The following SLCO3A1 variants were observed in gnomAD, a reference collection of about 807,000 sequenced individuals.
SLCO3A1 encodes the protein PGE1 transporter.
Under a neutral mutation model 63.1 loss-of-function variants are expected in SLCO3A1, and 27 were observed. The ratio of observed to expected loss-of-function variants is 0.43; its 90% CI spans 0.32 to 0.59. The LOEUF (loss-of-function observed/expected upper bound fraction) is 0.59, where lower values mean the gene tolerates loss of function less well. Among genes scored for constraint, SLCO3A1 ranks in the 20% least tolerant of loss-of-function variants. The pLI is 0.09. For missense variants in SLCO3A1, 773 were observed against 945.8 expected (o/e 0.82, Z 2.40); for synonymous variants, 473 against 409.9 (o/e 1.15, Z -1.86).
rs544545982 is a variant in SLCO3A1 at position 92,006,420 on chromosome 15, G to A, written c.647-88461G>A. The stretch of plus-strand genomic sequence containing the variant: ...TGGTACAGCTACTGAGTTAGTTCAA[G>A]AGCACAGGTGCTTTTTGGTTAGAGG... On this transcript the variant is annotated intron_variant, in intron 2 of 9. Coordinates refer to ENST00000318445, the MANE Select transcript of SLCO3A1 (RefSeq NM_013272.4). Among the ~76,000 whole-genome samples the A allele has an allele frequency of 2.6e-5, 4 of 152,314 alleles. No homozygotes were observed. In the South Asian group the frequency reaches 8.3e-4, roughly 32 times the overall value.
intron 2 of SLCO3A1, among the ~76,000 whole-genome samples, chr15:91,949,712 C>CCTTTAATATA (rs1899933940): frequency 6.6e-6 from 1 of 151,586 alleles, no homozygotes; most frequent in Non-Finnish European, 1.5e-5. Flanking sequence ...TTGGTGGTTG[C>CCTTTAATATA]CTTTAATATA....
intron 9 of SLCO3A1, among the ~76,000 whole-genome samples, chr15:92,151,489 C>G (rs1484326134): frequency 2.0e-5 from 3 of 152,132 alleles, no homozygotes; most frequent in East Asian, 3.9e-4. Flanking sequence ...GCAAATGTGA[C>G]CTTCATGCTA....
intron 1 of SLCO3A1, among the ~76,000 whole-genome samples, chr15:91,891,342 C>G (rs1414452681): frequency 2.6e-5 from 4 of 152,162 alleles, no homozygotes; most frequent in Non-Finnish European, 5.9e-5. Context: ...TCCAGGGCAG[C>G]CTGCACCCAA....
intron 4 of SLCO3A1, among the ~76,000 whole-genome samples, chr15:92,105,704 G>T (rs1352630416): frequency 6.6e-6 from 1 of 152,196 alleles, no homozygotes; most frequent in East Asian, 1.9e-4. Flanking sequence ...TTTTAGAAAT[G>T]AGTGGGCTCA....
rs115258380 is a variant in SLCO3A1, at chr15:92,104,076, G to A, written c.746-203G>A. ...CAGGGTAGACAAGAAAATTAAGGGG[G>A]GAATGTGATCAGCCTCCGGCTTTGA... On this transcript the variant is annotated intron_variant, in intron 3 of 9. Transcript: ENST00000318445. Among the ~76,000 whole-genome samples, 1,050 of 152,276 alleles carry A rather than the reference G, an allele frequency of 6.9e-3. 8 individuals are homozygous for A. Among genetic ancestry groups the A allele is most frequent in the African/African-American group, 0.023 (964 of 41,546 alleles).
At position 91,853,794 on chromosome 15, in the gene SLCO3A1, G is replaced by C; in HGVS notation, c.-115G>C. On this transcript the variant is annotated 5_prime_UTR_variant, in exon 1 of 10. Coordinates refer to ENST00000318445, the MANE Select transcript of SLCO3A1 (RefSeq NM_013272.4). ...GGACGGGGGCGGCCGCCGCGAACCCGGGGCGGGGACAGCACGCAGCCTCGA... is the reference window on the plus strand; with the variant it reads ...GGACGGGGGCGGCCGCCGCGAACCCCGGGCGGGGACAGCACGCAGCCTCGA... 1 of 1,011,450 alleles carries C rather than the reference G, an allele frequency of 9.9e-7. No individual in the cohort carries two copies. The highest frequency in any genetic ancestry group is 1.2e-6 in the Non-Finnish European group (1 of 831,270). 62.7% of individuals were successfully genotyped at this position (1,011,450 alleles called of 1,614,324 possible). A position where few individuals can be genotyped will look rare whatever the true frequency, so the allele number is the denominator to read the frequency against.
At chr15:91,908,368 T>G (rs1015820317) in intron 1 of SLCO3A1, 2 of 152,168 alleles carry the variant, frequency 1.3e-5, no homozygotes, top group Non-Finnish European at 2.9e-5. Flanking sequence ...AGCTAAATCA[T>G]TCCACCAGAA....
chr15:92,091,683 G>A (rs1193704863), intron 2 of SLCO3A1, among the ~76,000 whole-genome samples: 2 of 152,230 alleles, frequency 1.3e-5, no homozygotes, highest in African/African-American at 2.4e-5. Flanking sequence ...CGTTGCAGGT[G>A]GTGGTTTACC....
At chr15:92,049,870 T>C (rs2046936141) in intron 2 of SLCO3A1, among the ~76,000 whole-genome samples, 2 of 152,172 alleles carry the variant, frequency 1.3e-5, no homozygotes, top group African/African-American at 2.4e-5. Flanking sequence ...AGCTTTGTAA[T>C]GTACAGTGAC....
At chr15:91,972,458 G>A (rs1900914087) in intron 2 of SLCO3A1, among the ~76,000 whole-genome samples, 1 of 152,166 alleles carries the variant, frequency 6.6e-6, no homozygotes, top group South Asian at 2.1e-4. Flanking sequence ...CCTAGGACAT[G>A]CCATCTGTGA....
At chr15:91,932,533 C>T (rs187548159) in intron 2 of SLCO3A1, among the ~76,000 whole-genome samples, 44 of 152,138 alleles carry the variant, frequency 2.9e-4, no homozygotes, top group Admixed American at 7.8e-4. Flanking sequence ...GGAACCTCCA[C>T]CTCCCAGGTT....
At chr15:92,029,677 T>TC (rs2046621815) in intron 2 of SLCO3A1, among the ~76,000 whole-genome samples, 3 of 150,108 alleles carry the variant, frequency 2.0e-5, no homozygotes, top group African/African-American at 7.4e-5. Context: ...ATTTTTTTTT[T>TC]CCCAAACACA....
chr15:92,163,172 AAGG>A lies in SLCO3A1; in HGVS notation c.*38_*40del. 7.0e-7 allele frequency: 1 copy of A among 1,432,390 alleles called. No individual in the cohort carries two copies. Among genetic ancestry groups the A allele is most frequent in the South Asian group, 1.7e-5 (1 of 57,610 alleles). 88.7% of individuals were successfully genotyped at this position (1,432,390 alleles called of 1,614,324 possible). On this transcript the variant is annotated 3_prime_UTR_variant, in exon 10 of 10. Coordinates refer to ENST00000318445, the MANE Select transcript of SLCO3A1 (RefSeq NM_013272.4). ...GGGCTGAACTCTGTATTAGTAATCC[AAGG>A]GTCATTTTTTTCTTAAAAAAAGAAA...
intron 2 of SLCO3A1, among the ~76,000 whole-genome samples, chr15:91,961,578 C>T (rs961397076): frequency 2.0e-5 from 3 of 152,194 alleles, no homozygotes; most frequent in African/African-American, 7.2e-5. Context: ...AGTGTATTTT[C>T]CCCTACAGTG....
At chr15:92,069,561 G>A (rs1032892702) in intron 2 of SLCO3A1, among the ~76,000 whole-genome samples, 2 of 152,188 alleles carry the variant, frequency 1.3e-5, no homozygotes, top group African/African-American at 4.8e-5. Context: ...TGGCTTGTGT[G>A]ATCCAGTCCT....
intron 2 of SLCO3A1, among the ~76,000 whole-genome samples, chr15:91,955,840 C>T (rs1187741090): frequency 6.6e-6 from 1 of 152,162 alleles, no homozygotes; most frequent in Non-Finnish European, 1.5e-5. Context: ...CACGTATTAG[C>T]GTGTTTGGAA....
In SLCO3A1 at chr15:91,872,630, C is replaced by G. The variant is rs1468129199; in HGVS notation, c.180+18542C>G. Among the ~76,000 whole-genome samples, 1 of 152,198 alleles carries G rather than the reference C, an allele frequency of 6.6e-6. No individual in the cohort carries two copies. The highest frequency in any genetic ancestry group is 1.5e-5 in the Non-Finnish European group (1 of 68,040). On this transcript the variant is annotated intron_variant, in intron 1 of 9. Transcript: ENST00000318445. The surrounding 1 kb of genome is among the most constrained non-coding windows in gnomAD (Gnocchi z 4.1). ...GATCTTGAGTCTCTTGGTTCCAGCT[C>G]TAAATTCCCTTCTCTTTGATCACAC...
At chr15:92,026,625 A>C (rs565742880) in intron 2 of SLCO3A1, among the ~76,000 whole-genome samples, 1 of 152,226 alleles carries the variant, frequency 6.6e-6, no homozygotes, top group South Asian at 2.1e-4. Flanking sequence ...ATGTGAGTTC[A>C]TAGGTCTGTA....
chr15:92,106,247 C>G (rs1331796918), intron 4 of SLCO3A1, among the ~76,000 whole-genome samples: 2 of 152,176 alleles, frequency 1.3e-5, no homozygotes, highest in Non-Finnish European at 2.9e-5. Context: ...TTGGAATCAT[C>G]CATAAAACTT....
Sources: gnomAD v4.1 joint callset for allele counts (sites outside exome capture counted in the v4.1 genomes callset) on GRCh38, gnomAD v4.1.1 for gene constraint, Gnocchi (gnomAD v3.1) non-coding constraint, MANE v1.5 for transcripts, NCBI Gene and HGNC (gene_info 2026-07-23, HGNC 2026-07-21) for gene names.